KALRN: variants seen among roughly 807,000 people sequenced by gnomAD.
KALRN encodes kalirin RhoGEF kinase.
Under a neutral mutation model 353.7 loss-of-function variants are expected in KALRN, and 70 were observed. The ratio of observed to expected loss-of-function variants is 0.20; its 90% CI spans 0.16 to 0.24. The LOEUF is 0.24. Ranked by LOEUF, KALRN falls within the 10% of genes least tolerant of loss-of-function variation. The pLI is 1.00. For missense variants in KALRN, 2,791 were observed against 3,756.7 expected, an observed-to-expected ratio of 0.74 and a Z score of 6.72; for synonymous variants, 1,391 against 1,434.8, an observed-to-expected ratio of 0.97 and a Z score of 0.69.
At chr3:124,260,196 G>A (rs1398838419) in intron 3 of KALRN, among the ~76,000 whole-genome samples, 3 of 152,326 alleles carry the variant, frequency 2.0e-5, no homozygotes, top group Admixed American at 6.5e-5. Context: ...TGAAATTAAT[G>A]TAGCAAGCTA....
chr3:124,518,839 G>T, intron 33 of KALRN: 1 of 1,085,950 alleles, frequency 9.2e-7, no homozygotes, highest in Non-Finnish European at 1.1e-6. Flanking sequence ...GAGTGAAGAG[G>T]TTAATTAGAG....
intron 1 of KALRN, among the ~76,000 whole-genome samples, chr3:124,158,243 T>G (rs2069320348): frequency 6.6e-6 from 1 of 152,228 alleles, no homozygotes; most frequent in South Asian, 2.1e-4. Flanking sequence ...CAGCCTCCTC[T>G]GGGCTTCTGC....
intron 1 of KALRN, among the ~76,000 whole-genome samples, chr3:124,176,024 G>A (rs1245715052): frequency 6.6e-6 from 1 of 151,940 alleles, no homozygotes; most frequent in Non-Finnish European, 1.5e-5. Flanking sequence ...AGACCCAGTA[G>A]CCCCCCTTTA....
At chr3:124,268,580 C>A in intron 4 of KALRN, 163 bp from the exon 5 acceptor site, 2 of 675,508 alleles carry the variant, frequency 3.0e-6, no homozygotes, top group East Asian at 2.7e-5. Context: ...CCTGACTGAT[C>A]TGTGACTCCT....
intron 10 of KALRN, among the ~76,000 whole-genome samples, chr3:124,373,779 A>G (rs946757467): frequency 3.3e-5 from 5 of 152,178 alleles, no homozygotes; most frequent in African/African-American, 1.2e-4. Flanking sequence ...ATCTTAACTA[A>G]TTATATCTGC....
At chr3:124,204,599 GA>G (rs11332227) in intron 1 of KALRN, among the ~76,000 whole-genome samples, 131,374 of 148,644 alleles carry the variant, frequency 0.88, 58,767 homozygotes, top group South Asian at 0.97. Flanking sequence ...GTAGATCAAA[GA>G]AAAAAATTCC....
chr3:124,430,722 T>C lies in KALRN; in HGVS notation c.2776T>C (p.Ser926Pro). 1 of 1,614,150 alleles carries C rather than the reference T, an allele frequency of 6.2e-7. No individual in the cohort carries two copies. The highest frequency in any genetic ancestry group is 1.3e-5 in the African/African-American group (1 of 75,072). The change falls in exon 16 of 60, where the codon TCG becomes CCG. Residue 926 changes from serine (S) to proline (P), a missense_variant. Physicochemically the swap from Ser to Pro is moderately conservative, Grantham distance 74. This residue lies in a region of KALRN where 452 missense variants were observed against 575.8 expected (regional missense o/e 0.78). Coordinates refer to ENST00000682506, the MANE Select transcript of KALRN (RefSeq NM_001388419.1). Reference sequence around the variant, plus strand: ...CAGCCTGGTCAATGCCAGCTCTTTGTCGGAAGCAGAGCAGCTGCAGCGGGA... The same window carrying C: ...CAGCCTGGTCAATGCCAGCTCTTTGCCGGAAGCAGAGCAGCTGCAGCGGGA... ...NASLVNASSLSEAEQLQREHE... is the reference protein window; with the variant it reads ...NASLVNASSLPEAEQLQREHE...
At chr3:124,661,650 GC>G (rs1345781852) in intron 44 of KALRN, among the ~76,000 whole-genome samples, 200 bp from the exon 45 acceptor site, 1 of 152,176 alleles carries the variant, frequency 6.6e-6, no homozygotes, top group East Asian at 1.9e-4. Context: ...CTGACATGGA[GC>G]CCCTGTGCTG....
intron 1 of KALRN, among the ~76,000 whole-genome samples, chr3:124,199,483 C>T (rs188054159): frequency 1.1e-4 from 17 of 152,242 alleles, no homozygotes; most frequent in Admixed American, 9.8e-4. Flanking sequence ...CTTTTATACT[C>T]TGGAGAGGGA....
intron 1 of KALRN, among the ~76,000 whole-genome samples, chr3:124,170,081 A>C (rs2071515736): frequency 6.6e-6 from 1 of 152,208 alleles, no homozygotes; most frequent in Admixed American, 6.5e-5. Flanking sequence ...AGTTAGCTAT[A>C]GATGTACTTG....
Position 124,395,210 on chromosome 3 carries a change from G to A in KALRN, c.2038G>A (p.Glu680Lys). 6.2e-7 allele frequency: 1 copy of A among 1,613,328 alleles called. No homozygotes were observed. The highest frequency in any genetic ancestry group is 8.5e-7 in the Non-Finnish European group (1 of 1,179,960). ...TGCAGATTCTGTGGATGCAGTCCAG[G>A]AACTGATCAAGCAGTTCCAGCAGCA... ...VCADSVDAVQELIKQFQQQQT... is the reference protein window; with the variant it reads ...VCADSVDAVQKLIKQFQQQQT... Residue 680 changes from glutamate (E) to lysine (K), a missense_variant, in exon 12 of 60, where the codon GAA becomes AAA. Glu to Lys is a moderately conservative substitution (Grantham distance 56). This residue lies in a region of KALRN where 452 missense variants were observed against 575.8 expected (regional missense o/e 0.78). Coordinates refer to ENST00000682506, the MANE Select transcript of KALRN (RefSeq NM_001388419.1).
intron 9 of KALRN, among the ~76,000 whole-genome samples, chr3:124,337,065 G>A (rs554199994): frequency 1.3e-5 from 2 of 152,232 alleles, no homozygotes; most frequent in South Asian, 2.1e-4. Flanking sequence ...GGGCCGAGAC[G>A]ATGGGGTTTT....
intron 34 of KALRN, among the ~76,000 whole-genome samples, chr3:124,631,605 C>T (rs183541948): frequency 6.6e-6 from 1 of 152,308 alleles, no homozygotes; most frequent in East Asian, 1.9e-4. Context: ...ACCACTAGGA[C>T]CACCCTACTT....
chr3:124,194,375 C>T (rs1253361266), intron 1 of KALRN, among the ~76,000 whole-genome samples: 1 of 151,866 alleles, frequency 6.6e-6, no homozygotes. Context: ...TCAAGCATAC[C>T]TGGGTCTTAG....
At chr3:124,411,433 C>CTTTGTTTTTTTTTT (rs2092142049) in intron 13 of KALRN, among the ~76,000 whole-genome samples, 1 of 51,480 alleles carries the variant, frequency 1.9e-5, no homozygotes, top group East Asian at 6.1e-4. Context: ...TTAAATTATG[C>CTTTGTTTTTTTTTT]TTTTTTTTTT....
chr3:124,053,599 A>G (rs2041246864), intron 1 of KALRN, among the ~76,000 whole-genome samples: 1 of 152,190 alleles, frequency 6.6e-6, no homozygotes. Context: ...CAAACTCTAC[A>G]TATTTTGAAT....
At chr3:124,491,604 T>C (rs780795075) in intron 31 of KALRN, 180 bp downstream of exon 31, 1 of 453,438 alleles carries the variant, frequency 2.2e-6, no homozygotes, top group Non-Finnish European at 3.9e-6. Flanking sequence ...ACCCAGAATC[T>C]CAAAGACGCA....
chr3:124,111,340 G>T (rs2062953029), intron 1 of KALRN, among the ~76,000 whole-genome samples: 1 of 152,168 alleles, frequency 6.6e-6, no homozygotes. Flanking sequence ...TCCTCCAGGA[G>T]ATGTTTCCTC....
At chr3:124,044,020 G>A (rs1047356003) in intron 1 of KALRN, among the ~76,000 whole-genome samples, 7 of 152,082 alleles carry the variant, frequency 4.6e-5, no homozygotes, top group Admixed American at 1.3e-4. Context: ...TCCAGTTTCC[G>A]TAGTGTCTCT....
Sources: gnomAD v4.1 joint callset for allele counts (sites outside exome capture counted in the v4.1 genomes callset) on GRCh38, gnomAD v4.1.1 for gene constraint, gnomAD v4.1.1 regional missense constraint, MANE v1.5 for transcripts, NCBI Gene and HGNC (gene_info 2026-07-23, HGNC 2026-07-21) for gene names.